PTK2: variants seen among roughly 807,000 people sequenced by gnomAD.
The protein encoded by PTK2 is focal adhesion kinase 1.
PTK2 carries 45 observed loss-of-function variants against 150.1 expected under a neutral mutation model. That is an observed-to-expected ratio of 0.30 (90% CI 0.24 to 0.38). The LOEUF is 0.38. PTK2 is among the 10% of genes least tolerant of loss of function. The pLI, the probability that PTK2 is intolerant of heterozygous loss-of-function variation, is 1.00. For missense variants in PTK2, 919 were observed against 1,307.3 expected (o/e 0.70, Z 4.58); for synonymous variants, 432 against 449.2 (o/e 0.96, Z 0.48).
chr8:140,941,441 T>G (rs1438123368), intron 1 of PTK2, among the ~76,000 whole-genome samples: 1 of 152,180 alleles, frequency 6.6e-6, no homozygotes, highest in Admixed American at 6.5e-5. Flanking sequence ...AAAAAGCAAC[T>G]TAGGAAGCCC....
At chr8:140,795,955 T>C (rs1051568159) in intron 12 of PTK2, among the ~76,000 whole-genome samples, 7 of 152,216 alleles carry the variant, frequency 4.6e-5, no homozygotes, top group African/African-American at 1.2e-4. Flanking sequence ...CTTCCTGGAA[T>C]ACCTCAGTTT....
intron 23 of PTK2, among the ~76,000 whole-genome samples, chr8:140,713,992 G>A (rs1200498148): frequency 2.0e-5 from 3 of 152,060 alleles, no homozygotes. Flanking sequence ...GGGCTCAAAC[G>A]ATCCTCCTGC....
chr8:140,990,721 C>T (rs989471696), intron 1 of PTK2, among the ~76,000 whole-genome samples: 1 of 152,158 alleles, frequency 6.6e-6, no homozygotes, highest in Non-Finnish European at 1.5e-5. Context: ...CCCTACTCTT[C>T]TTCTCTATCT....
chr8:140,659,349 A>G, exon 32 of PTK2: 1 of 797,188 alleles, frequency 1.3e-6, no homozygotes, highest in Non-Finnish European at 1.9e-6. Context: ...TGGTCATTCA[A>G]AAAAGTTGGA....
intron 5 of PTK2, among the ~76,000 whole-genome samples, chr8:140,855,386 G>A (rs552968128): frequency 6.6e-6 from 1 of 152,172 alleles, no homozygotes; most frequent in Non-Finnish European, 1.5e-5. Context: ...ACGAGGTCAG[G>A]AGATTGAGAC....
intron 7 of PTK2, among the ~76,000 whole-genome samples, chr8:140,843,416 CT>C (rs1486948729): frequency 6.6e-6 from 1 of 152,154 alleles, no homozygotes; most frequent in African/African-American, 2.4e-5. Flanking sequence ...CACATAGACT[CT>C]ATCTTTCAGT....
At position 140,745,082 on chromosome 8, in the gene PTK2, TAATAAC is replaced by T. The variant is rs551739959; in HGVS notation, c.1519-321_1519-316del. Among the ~76,000 whole-genome samples the T allele has an allele frequency of 8.1e-4, 78 of 96,524 alleles. 1 individual carries two copies. The East Asian group carries it at 0.027, about 33-fold the overall frequency. 63.3% of individuals were successfully genotyped at this position (96,524 alleles called of 152,430 possible). A position where few individuals can be genotyped will look rare whatever the true frequency, so the allele number is the denominator to read the frequency against. On this transcript the variant is annotated intron_variant, in intron 18 of 31. Transcript: ENST00000522684. ...CACAGTACAAATTATTGCTAAATAATAATAACAACTGGAAGAAAAAAGATCTAGTTA... is the reference window on the plus strand; with the variant it reads ...CACAGTACAAATTATTGCTAAATAATAACTGGAAGAAAAAAGATCTAGTTA...
intron 23 of PTK2, among the ~76,000 whole-genome samples, chr8:140,710,757 A>G (rs963977794): frequency 2.0e-4 from 31 of 152,240 alleles, no homozygotes; most frequent in Non-Finnish European, 7.3e-5. Context: ...GCTATTTTAT[A>G]TAAGGAATTT....
chr8:140,890,282 C>A (rs963812475), intron 3 of PTK2: 11 of 338,296 alleles, frequency 3.3e-5, no homozygotes, highest in South Asian at 6.1e-5. Flanking sequence ...AAAAAAAAAA[C>A]CTAGAAGGGA....
chr8:140,670,938 G>A (rs2095276352), intron 29 of PTK2, among the ~76,000 whole-genome samples: 1 of 152,160 alleles, frequency 6.6e-6, no homozygotes, highest in East Asian at 1.9e-4. Context: ...GTGGTAGAGG[G>A]GCACTGTCAT....
At chr8:140,751,084 A>G (rs2100062381) in intron 17 of PTK2, among the ~76,000 whole-genome samples, 1 of 152,124 alleles carries the variant, frequency 6.6e-6, no homozygotes, top group South Asian at 2.1e-4. Flanking sequence ...GCCTCAAAAA[A>G]AAAAAGATAA....
intron 3 of PTK2, among the ~76,000 whole-genome samples, chr8:140,881,710 C>T (rs565027223): frequency 3.3e-4 from 50 of 152,270 alleles, no homozygotes; most frequent in African/African-American, 1.2e-3. Context: ...TAAGAAAAAG[C>T]CCAGCTTCTC....
At chr8:140,846,218 T>C in intron 7 of PTK2, 42 bp downstream of exon 7, 1 of 1,453,944 alleles carries the variant, frequency 6.9e-7, no homozygotes, top group Non-Finnish European at 9.5e-7. Context: ...AAGAATTTAG[T>C]TCTGCATATT....
intron 17 of PTK2, among the ~76,000 whole-genome samples, chr8:140,750,787 A>T (rs912897885): frequency 1.3e-5 from 2 of 152,188 alleles, no homozygotes; most frequent in African/African-American, 2.4e-5. Context: ...ATGGAGGTGG[A>T]GAAAATTATT....
In PTK2 at chr8:140,812,604, C is replaced by A. The variant is rs998813593; in HGVS notation, c.867+5673G>T. On this transcript the variant is annotated intron_variant, in intron 10 of 31. Transcript: ENST00000522684. ...AAAGACACAGAGCTGGATAAAGAAC[C>A]AAGATTCATTGGTATGCTGTCTTCA... is the stretch of plus-strand genomic sequence containing the variant. Among the ~76,000 whole-genome samples, 6 of 152,178 alleles carry A rather than the reference C, an allele frequency of 3.9e-5. No individual in the cohort carries two copies. In the East Asian group the frequency reaches 9.7e-4, roughly 24 times the overall value.
intron 1 of PTK2, among the ~76,000 whole-genome samples, chr8:140,941,214 GA>G (rs1364301133): frequency 6.6e-6 from 1 of 152,110 alleles, no homozygotes; most frequent in Non-Finnish European, 1.5e-5. Context: ...CATTCCCAGA[GA>G]AAAATACAGG....
intron 30 of PTK2, among the ~76,000 whole-genome samples, chr8:140,666,951 A>G (rs1380133265): frequency 6.6e-6 from 1 of 152,218 alleles, no homozygotes; most frequent in African/African-American, 2.4e-5. Flanking sequence ...AAGGAAGAAA[A>G]TTCTGACACA....
chr8:140,858,990 T>C (rs2100134493), intron 5 of PTK2, among the ~76,000 whole-genome samples: 1 of 152,232 alleles, frequency 6.6e-6, no homozygotes, highest in African/African-American at 2.4e-5. Context: ...CAAGGTATAC[T>C]GAATGTCCTG....
intron 27 of PTK2, among the ~76,000 whole-genome samples, chr8:140,679,495 ACT>A (rs1480068168): frequency 3.3e-5 from 5 of 151,848 alleles, no homozygotes; most frequent in African/African-American, 9.7e-5. Flanking sequence ...AAAAGGAGAG[ACT>A]CTGCTTCAGA....
Sources: allele counts gnomAD v4.1 joint callset (sites outside exome capture counted in the v4.1 genomes callset), GRCh38; gene constraint gnomAD v4.1.1; transcripts MANE v1.5; gene names NCBI Gene and HGNC (gene_info 2026-07-23, HGNC 2026-07-21).